DPP10: variants seen among roughly 807,000 people sequenced by gnomAD.
DPP10 encodes the protein inactive dipeptidyl peptidase 10.
Under a neutral mutation model 120.9 loss-of-function variants are expected in DPP10, and 33 were observed. The observed-to-expected ratio is 0.27, with a 90% CI of 0.21 to 0.37. The LOEUF is 0.37. Ranked by LOEUF, DPP10 falls within the 10% of genes least tolerant of loss-of-function variation. The pLI is 1.00. For missense variants in DPP10, 816 were observed against 942.8 expected, an observed-to-expected ratio of 0.87 and a Z score of 1.76; for synonymous variants, 337 against 326.1, an observed-to-expected ratio of 1.03 and a Z score of -0.36.
intron 1 of DPP10, among the ~76,000 whole-genome samples, chr2:115,145,512 G>A (rs368824225): frequency 1.2e-4 from 18 of 152,114 alleles, no homozygotes; most frequent in South Asian, 2.1e-4. Flanking sequence ...ATAATATTTC[G>A]TTGTATGGAT....
chr2:115,456,734 C>T (rs979226865), intron 3 of DPP10, among the ~76,000 whole-genome samples: 5 of 152,138 alleles, frequency 3.3e-5, no homozygotes, highest in Admixed American at 3.3e-4. Context: ...ACCACATGCT[C>T]TCACTCATAA....
chr2:114,748,973 C>T (rs1454427421), intron 1 of DPP10, among the ~76,000 whole-genome samples: 8 of 128,766 alleles, frequency 6.2e-5, no homozygotes, highest in Admixed American at 1.7e-4. Flanking sequence ...CCTGAGGAAT[C>T]GCCACACTGA....
intron 3 of DPP10, among the ~76,000 whole-genome samples, chr2:115,376,531 CTTTTTTT>C (rs879864288): frequency 7.0e-6 from 1 of 143,846 alleles, no homozygotes; most frequent in Non-Finnish European, 1.5e-5. Flanking sequence ...TAGTCCCTTT[CTTTTTTT>C]TTTTAAATTT....
intron 1 of DPP10, among the ~76,000 whole-genome samples, chr2:115,002,528 T>C (rs1183817710): frequency 1.3e-5 from 2 of 151,798 alleles, no homozygotes; most frequent in African/African-American, 4.8e-5. Context: ...TGGCATCTAA[T>C]TGAACTAAAG....
intron 1 of DPP10, among the ~76,000 whole-genome samples, chr2:114,965,038 CA>C (rs1388291986): frequency 2.0e-5 from 3 of 152,148 alleles, no homozygotes; most frequent in East Asian, 1.9e-4. Context: ...TCTGAGCAAA[CA>C]GGGGGCTAGA....
intron 1 of DPP10, among the ~76,000 whole-genome samples, chr2:114,852,663 C>T (rs1265896704): frequency 3.3e-5 from 5 of 152,054 alleles, no homozygotes; most frequent in Non-Finnish European, 5.9e-5. Flanking sequence ...CTATGGATAT[C>T]GTGGAACAAC....
intron 1 of DPP10, among the ~76,000 whole-genome samples, chr2:114,604,165 C>T (rs890433841): frequency 2.6e-5 from 4 of 151,896 alleles, no homozygotes; most frequent in Admixed American, 2.6e-4. Context: ...CTCCATGTAC[C>T]AAATTCCAGA....
chr2:115,155,072 T>A (rs950349035), intron 1 of DPP10, among the ~76,000 whole-genome samples: 3 of 151,026 alleles, frequency 2.0e-5, no homozygotes, highest in Admixed American at 6.6e-5. Flanking sequence ...TATTTATTTT[T>A]TTTTTTTGGT....
intron 1 of DPP10, among the ~76,000 whole-genome samples, chr2:114,479,121 C>T (rs944122401): frequency 6.6e-6 from 1 of 151,132 alleles, no homozygotes; most frequent in Non-Finnish European, 1.5e-5. Context: ...TGAAAGAAAT[C>T]AAATAAAATG....
At chr2:114,634,825 T>A (rs1558952167) in intron 1 of DPP10, among the ~76,000 whole-genome samples, 2 of 151,858 alleles carry the variant, frequency 1.3e-5, no homozygotes, top group Non-Finnish European at 2.9e-5. Flanking sequence ...ACTAGAAACT[T>A]TTATTGTTCA....
At chr2:115,536,158 GT>G (rs1338662073) in intron 5 of DPP10, among the ~76,000 whole-genome samples, 1 of 151,752 alleles carries the variant, frequency 6.6e-6, no homozygotes, top group African/African-American at 2.4e-5. Context: ...ATCCACCTCC[GT>G]TTTTTAGAGA....
intron 1 of DPP10, among the ~76,000 whole-genome samples, chr2:115,204,593 CA>C (rs2055987919): frequency 6.6e-6 from 1 of 152,128 alleles, no homozygotes; most frequent in African/African-American, 2.4e-5. Flanking sequence ...ATCTGAGGCT[CA>C]GGGAAATGGC....
At chr2:115,018,606 C>A (rs1456364012) in intron 1 of DPP10, among the ~76,000 whole-genome samples, 11 of 152,080 alleles carry the variant, frequency 7.2e-5, no homozygotes, top group African/African-American at 2.7e-4. Context: ...CAAACTAACA[C>A]AGGAACAGAA....
At chr2:114,712,651 A>G (rs927336758) in intron 1 of DPP10, among the ~76,000 whole-genome samples, 18 of 152,244 alleles carry the variant, frequency 1.2e-4, no homozygotes, top group African/African-American at 3.9e-4. Context: ...TCATTTTATC[A>G]ATCATAAAAG....
intron 1 of DPP10, among the ~76,000 whole-genome samples, chr2:115,027,127 C>A (rs1374992053): frequency 6.6e-6 from 1 of 151,956 alleles, no homozygotes; most frequent in East Asian, 1.9e-4. Context: ...TTTCAGATTG[C>A]TTTTTGTTGG....
At chr2:115,653,296 TAAA>T (rs929384880) in intron 5 of DPP10, among the ~76,000 whole-genome samples, 1 of 151,888 alleles carries the variant, frequency 6.6e-6, no homozygotes, top group Non-Finnish European at 1.5e-5. Context: ...TAATACAAGT[TAAA>T]AAAGAATAAA....
At chr2:114,687,532 C>T (rs527357264) in intron 1 of DPP10, among the ~76,000 whole-genome samples, 1 of 152,086 alleles carries the variant, frequency 6.6e-6, no homozygotes, top group South Asian at 2.1e-4. Flanking sequence ...CCTGACCTTG[C>T]AAATTCTAAC....
chr2:114,633,242 T>C (rs1695068169), intron 1 of DPP10, among the ~76,000 whole-genome samples: 1 of 140,316 alleles, frequency 7.1e-6, no homozygotes, highest in African/African-American at 2.8e-5. Context: ...ATATTGGTTT[T>C]TCTTTCTTTT....
intron 1 of DPP10, among the ~76,000 whole-genome samples, chr2:115,032,481 C>T (rs1703907012): frequency 6.6e-6 from 1 of 152,112 alleles, no homozygotes; most frequent in African/African-American, 2.4e-5. Context: ...TTTCCTTTAG[C>T]AATAATCAAC....
Sources: gnomAD v4.1 joint callset for allele counts (sites outside exome capture counted in the v4.1 genomes callset) on GRCh38, gnomAD v4.1.1 for gene constraint, MANE v1.5 for transcripts, NCBI Gene and HGNC (gene_info 2026-07-23, HGNC 2026-07-21) for gene names.